SNAPC1: variants seen among roughly 807,000 people sequenced by gnomAD.
SNAPC1 encodes the protein snRNA-activating protein complex subunit 1.
A neutral mutation model predicts 50.1 loss-of-function variants in SNAPC1; 42 were observed. The observed-to-expected ratio is 0.84, with a 90% confidence interval of 0.65 to 1.08. The LOEUF (loss-of-function observed/expected upper bound fraction) is 1.08. Ranked by LOEUF, SNAPC1 falls within the 50% of genes least tolerant of loss-of-function variation. SNAPC1 has a pLI of 0.00. For missense variants in SNAPC1, 477 were observed against 427.3 expected (o/e 1.12, Z -1.02); for synonymous variants, 164 against 144.2 (o/e 1.14, Z -0.98).
rs2045186000 is a variant in SNAPC1, at chr14:61,795,875, A to G, written c.*892A>G. 1.3e-5 allele frequency: 2 copies of G among 151,154 alleles called. No individual in the cohort carries two copies. The highest frequency in any genetic ancestry group is 2.4e-5 in the African/African-American group (1 of 41,070). 9.4% of individuals were successfully genotyped at this position (151,154 alleles called of 1,614,324 possible). A position where few individuals can be genotyped will look rare whatever the true frequency, so the allele number is the denominator to read the frequency against. ...CTCAACTGTTTTTTTTTTTTCCCTA[A>G]TAGAGATGGAGTATCGCTATGTTGC... On this transcript the variant is annotated 3_prime_UTR_variant, in exon 10 of 10. Transcript: ENST00000216294.
At chr14:61,788,653 A>T (rs942170250) in intron 8 of SNAPC1, among the ~76,000 whole-genome samples, 7 of 152,220 alleles carry the variant, frequency 4.6e-5, no homozygotes, top group African/African-American at 1.2e-4. Flanking sequence ...TTTGATAAAG[A>T]TTAAAGATAA....
In SNAPC1 at chr14:61,793,334, C is replaced by T. The variant is rs189517962; in HGVS notation, c.1072+432C>T. On this transcript the variant is annotated intron_variant, in intron 9 of 9. Coordinates refer to ENST00000216294, the MANE Select transcript of SNAPC1 (RefSeq NM_003082.4). ...CTTACTACAGCTTCGACCTCCCCGG[C>T]TCAGGCTATCCTCCCCTCCCGCCTC... Among the ~76,000 whole-genome samples, 381 of 152,094 alleles carry T rather than the reference C, an allele frequency of 2.5e-3. 3 individuals are homozygous for T. Among genetic ancestry groups the T allele is most frequent in the African/African-American group, 8.4e-3 (350 of 41,488 alleles).
At chr14:61,775,595 A>G (rs1042628967) in intron 4 of SNAPC1, among the ~76,000 whole-genome samples, 22 of 152,282 alleles carry the variant, frequency 1.4e-4, no homozygotes, top group Admixed American at 3.9e-4. Flanking sequence ...CGCTGAAGCA[A>G]TGGGGAAGCT....
At chr14:61,772,830 T>A (rs1001938263) in intron 4 of SNAPC1, among the ~76,000 whole-genome samples, 6 of 152,216 alleles carry the variant, frequency 3.9e-5, no homozygotes, top group Non-Finnish European at 7.3e-5. Flanking sequence ...TTAGAGTGAA[T>A]AGAGAAGAGT....
chr14:61,773,295 G>A (rs565853370), intron 4 of SNAPC1, among the ~76,000 whole-genome samples: 16 of 151,724 alleles, frequency 1.1e-4, no homozygotes, highest in African/African-American at 3.4e-4. Flanking sequence ...TGGACATCGT[G>A]TGCTGAGTAC....
intron 4 of SNAPC1, among the ~76,000 whole-genome samples, chr14:61,774,169 T>C (rs868171850): frequency 0.016 from 2,346 of 150,466 alleles, 31 homozygotes; most frequent in Middle Eastern, 0.061. Context: ...CTTCTTCTTT[T>C]TTTTTTTTTT....
intron 1 of SNAPC1, 123 bp downstream of exon 1, chr14:61,762,711 T>A: frequency 8.8e-7 from 1 of 1,139,344 alleles, no homozygotes; most frequent in Non-Finnish European, 1.3e-6. Flanking sequence ...GAAGGTTGCC[T>A]CCATGACTCC....
At chr14:61,791,642 G>T (rs1337894581) in intron 8 of SNAPC1, among the ~76,000 whole-genome samples, 1 of 152,158 alleles carries the variant, frequency 6.6e-6, no homozygotes, top group Non-Finnish European at 1.5e-5. Context: ...GAGGTCAGGA[G>T]TTTGAAACCA....
At chr14:61,763,119 G>A (rs1173473212) in intron 1 of SNAPC1, among the ~76,000 whole-genome samples, 7 of 150,344 alleles carry the variant, frequency 4.7e-5, no homozygotes, top group Admixed American at 6.7e-5. Flanking sequence ...AACCTCCGGA[G>A]TAGCTGGGAT....
At chr14:61,786,712 G>A (rs2045117738) in intron 8 of SNAPC1, among the ~76,000 whole-genome samples, 1 of 152,214 alleles carries the variant, frequency 6.6e-6, no homozygotes, top group African/African-American at 2.4e-5. Context: ...TGTGAATCCA[G>A]AATGATGTGG....
rs2045179315 is a variant in SNAPC1, at chr14:61,795,073, T to C, written c.*90T>C. On this transcript the variant is annotated 3_prime_UTR_variant, in exon 10 of 10. Transcript: ENST00000216294. ...GTATTGAACAGGAAGACTGCCAGTATTAAAAAAATCCTTCTGGGAATCTGT... is the reference window on the plus strand; with the variant it reads ...GTATTGAACAGGAAGACTGCCAGTACTAAAAAAATCCTTCTGGGAATCTGT... 1.2e-6 allele frequency: 1 copy of C among 804,416 alleles called. No homozygotes were observed. The highest frequency in any genetic ancestry group is 2.0e-6 in the Non-Finnish European group (1 of 509,322). The allele number at this position is 804,416 out of a possible 1,614,324, so 49.8% of individuals were successfully genotyped here. A position where few individuals can be genotyped will look rare whatever the true frequency, so the allele number is the denominator to read the frequency against.
chr14:61,776,192 A>AT lies in SNAPC1; in HGVS notation c.639dup (p.Asp214Ter), dbSNP rs778933382. 4.1e-5 allele frequency: 66 copies of AT among 1,612,780 alleles called. No homozygotes were observed. The highest frequency in any genetic ancestry group is 6.6e-5 in the South Asian group (6 of 90,844). Reference sequence around the variant, plus strand: ...AAAGCCCTCAGCTTGATAAAGGATGATTTTTTTGACAATATTAAGAACATA... The same window carrying AT: ...AAAGCCCTCAGCTTGATAAAGGATGATTTTTTTTGACAATATTAAGAACATA... On this transcript the variant is annotated frameshift_variant, in exon 5 of 10. Coordinates refer to ENST00000216294, the MANE Select transcript of SNAPC1 (RefSeq NM_003082.4). LOFTEE classifies it high-confidence loss of function.
At chr14:61,762,619 C>T (rs762332027) in intron 1 of SNAPC1, 31 bp downstream of exon 1, 8 of 1,611,630 alleles carry the variant, frequency 5.0e-6, no homozygotes, top group Non-Finnish European at 6.8e-6. Flanking sequence ...ACCCGCCTCT[C>T]CCTGCCCGCA....
chr14:61,776,146 G>T lies in SNAPC1; in HGVS notation c.586G>T (p.Val196Phe), dbSNP rs771164892. Residue 196 changes from valine (V) to phenylalanine (F), a missense_variant, in exon 5 of 10, where the codon GTT becomes TTT. By Grantham distance (50) the Val-to-Phe change is conservative. Transcript: ENST00000216294. ...HYQNMKHVISVDKSKPDKALS... is the reference protein window; with the variant it reads ...HYQNMKHVISFDKSKPDKALS... ...TCAGAACATGAAACATGTAATTTCA[G>T]TTGATAAGTCCAAGCCAGATAAAGC... 3 of 1,608,896 alleles carry T rather than the reference G, an allele frequency of 1.9e-6. No individual in the cohort carries two copies. Among genetic ancestry groups the T allele is most frequent in the South Asian group, 2.2e-5 (2 of 89,908 alleles).
Position 61,779,708 on chromosome 14 carries a change from G to GTTT in SNAPC1, c.825+813_825+815dup, listed in dbSNP as rs5809124. On this transcript the variant is annotated intron_variant, in intron 7 of 9. Coordinates refer to ENST00000216294, the MANE Select transcript of SNAPC1 (RefSeq NM_003082.4). ...TTGTTTGAACTCTTTCACTTTGTTG[G>GTTT]TTTTTTTTTTTTTTTTTGAGACAGA... Among the ~76,000 whole-genome samples the GTTT allele has an allele frequency of 2.0e-3, 236 of 115,502 alleles. 6 individuals carry two copies. The highest frequency in any genetic ancestry group is 9.3e-3 in the Admixed American group (92 of 9,914). 75.8% of individuals were successfully genotyped at this position (115,502 alleles called of 152,430 possible).
intron 4 of SNAPC1, among the ~76,000 whole-genome samples, chr14:61,774,992 T>C (rs1264963313): frequency 6.6e-6 from 1 of 152,086 alleles, no homozygotes; most frequent in East Asian, 1.9e-4. Flanking sequence ...CAGGTGTTGA[T>C]TCTACCAAAA....
chr14:61,762,563 A>G lies in SNAPC1; in HGVS notation c.103A>G (p.Asn35Asp), dbSNP rs776623204. Residue 35 changes from asparagine (N) to aspartate (D), a missense_variant, in exon 1 of 10, where the codon AAC becomes GAC. By Grantham distance (23) the Asn-to-Asp change is conservative (BLOSUM62 1). Coordinates refer to ENST00000216294, the MANE Select transcript of SNAPC1 (RefSeq NM_003082.4). ...CGAGGACTTCACGGAGCTCTGGAGA[A>G]ACATGAAGTTCGGGACTATCTTCTG... ...RFEDFTELWR[N>D]MKFGTIFCGR... 6.5e-7 allele frequency: 1 copy of G among 1,549,806 alleles called. No homozygotes were observed. Among genetic ancestry groups the G allele is most frequent in the Admixed American group, 1.9e-5 (1 of 53,976 alleles).
At chr14:61,791,175 C>T (rs538577481) in intron 8 of SNAPC1, among the ~76,000 whole-genome samples, 5 of 152,084 alleles carry the variant, frequency 3.3e-5, no homozygotes, top group Non-Finnish European at 2.9e-5. Context: ...CCATGCCCAG[C>T]TAATTTTTGT....
In SNAPC1 at chr14:61,770,816, C is replaced by T. The variant is rs560386404; in HGVS notation, c.534+2076C>T. Among the ~76,000 whole-genome samples, 110 of 151,936 alleles carry T rather than the reference C, an allele frequency of 7.2e-4. 4 individuals are homozygous for T. The South Asian group carries it at 0.022, about 31-fold the overall frequency. On this transcript the variant is annotated intron_variant, in intron 4 of 9. Transcript: ENST00000216294. ...GTGGCGCAATTTTGGCTCACTGCAA[C>T]CTGCAACCTCTGCCTCCAGGGCTCA...
Sources: gnomAD v4.1 joint callset for allele counts (sites outside exome capture counted in the v4.1 genomes callset) on GRCh38, gnomAD v4.1.1 for gene constraint, MANE v1.5 for transcripts, NCBI Gene and HGNC (gene_info 2026-07-23, HGNC 2026-07-21) for gene names.